PRKCE: variants seen among roughly 807,000 people sequenced by gnomAD.
PRKCE encodes protein kinase C epsilon.
In PRKCE, 16 loss-of-function variants were observed where a neutral mutation model predicts 85.4. That is an observed-to-expected ratio of 0.19 (90% CI 0.13 to 0.28). PRKCE has a LOEUF of 0.28. PRKCE is among the 10% of genes least tolerant of loss of function. The probability of loss-of-function intolerance (pLI) is 1.00; values close to 1 mark genes in which losing one functional copy is unlikely to be tolerated. For missense variants in PRKCE, 573 were observed against 975.2 expected (o/e 0.59, Z 5.49); for synonymous variants, 388 against 371.5 (o/e 1.04, Z -0.51).
chr2:46,007,366 C>T lies in PRKCE; in HGVS notation c.1064-96C>T, dbSNP rs998982650. 4 of 1,241,002 alleles carry T rather than the reference C, an allele frequency of 3.2e-6. No homozygotes were observed. The African/African-American group carries it at 6.0e-5, about 19-fold the overall frequency. The allele number at this position is 1,241,002 out of a possible 1,614,324, so 76.9% of individuals were successfully genotyped here. ...CTGTTGTGAAGAACCAGAAAGAGGA[C>T]TGAGAGCTTACAGGGGAAAGTCTGA... On this transcript the variant is annotated intron_variant, in intron 8 of 14. Coordinates refer to ENST00000306156, the MANE Select transcript of PRKCE (RefSeq NM_005400.3).
At chr2:45,698,174 T>C (rs1678312664) in intron 1 of PRKCE, among the ~76,000 whole-genome samples, 1 of 152,230 alleles carries the variant, frequency 6.6e-6, no homozygotes, top group African/African-American at 2.4e-5. Context: ...TGTGGGCAAG[T>C]TCTGGAAAAG....
At chr2:45,705,810 C>G (rs1027077703) in intron 1 of PRKCE, among the ~76,000 whole-genome samples, 2 of 152,316 alleles carry the variant, frequency 1.3e-5, no homozygotes, top group Middle Eastern at 3.4e-3. Flanking sequence ...TCAAATGCTG[C>G]TGACCTGATT....
chr2:45,710,356 C>T (rs1679520636), intron 1 of PRKCE, among the ~76,000 whole-genome samples: 1 of 152,182 alleles, frequency 6.6e-6, no homozygotes, highest in Non-Finnish European at 1.5e-5. Flanking sequence ...CATACCCTTG[C>T]CCACTGAGGT....
chr2:45,933,236 A>G (rs1699169477), intron 2 of PRKCE, among the ~76,000 whole-genome samples: 1 of 152,196 alleles, frequency 6.6e-6, no homozygotes, highest in African/African-American at 2.4e-5. Flanking sequence ...TCTGTTGAGT[A>G]TATGAATTGC....
At chr2:45,688,923 C>T (rs1029904130) in intron 1 of PRKCE, among the ~76,000 whole-genome samples, 1 of 152,220 alleles carries the variant, frequency 6.6e-6, no homozygotes, top group Admixed American at 6.5e-5. Flanking sequence ...GTTGGTTGCT[C>T]ATCCACAACA....
chr2:46,125,915 T>G (rs1210496539), intron 11 of PRKCE, among the ~76,000 whole-genome samples: 1 of 152,224 alleles, frequency 6.6e-6, no homozygotes, highest in East Asian at 1.9e-4. Flanking sequence ...GTGAAGTACC[T>G]GTTTAAAATG....
chr2:46,043,507 C>A (rs1002853769), intron 10 of PRKCE, among the ~76,000 whole-genome samples: 1 of 152,054 alleles, frequency 6.6e-6, no homozygotes, highest in Non-Finnish European at 1.5e-5. Flanking sequence ...TTATAGTATA[C>A]CCCTAGAGAT....
chr2:45,797,306 G>C (rs1687514845), intron 1 of PRKCE, among the ~76,000 whole-genome samples: 1 of 152,188 alleles, frequency 6.6e-6, no homozygotes, highest in Non-Finnish European at 1.5e-5. Context: ...GCAGGGTGAA[G>C]GGGAGGGAGG....
intron 8 of PRKCE, among the ~76,000 whole-genome samples, chr2:46,006,948 G>A (rs1450374622): frequency 6.6e-6 from 1 of 152,194 alleles, no homozygotes; most frequent in African/African-American, 2.4e-5. Flanking sequence ...CTGAGTAAAG[G>A]TTTTTAGAAG....
At chr2:46,151,477 G>T (rs11686993) in intron 13 of PRKCE, among the ~76,000 whole-genome samples, 15,742 of 152,276 alleles carry the variant, frequency 0.1, 1,065 homozygotes, top group Non-Finnish European at 0.15. Flanking sequence ...TTGCTCTTCT[G>T]GTGGGAAGAG....
chr2:45,829,661 G>T (rs1018855396), intron 1 of PRKCE, among the ~76,000 whole-genome samples: 1 of 152,174 alleles, frequency 6.6e-6, no homozygotes, highest in East Asian at 1.9e-4. Flanking sequence ...ACCCTAAAGG[G>T]CTCCAGGCTT....
chr2:45,884,999 A>AT (rs1265565855), intron 2 of PRKCE, among the ~76,000 whole-genome samples: 1 of 63,264 alleles, frequency 1.6e-5, no homozygotes, highest in Non-Finnish European at 3.2e-5. Flanking sequence ...ATATATATAT[A>AT]TATTTGTTGT....
intron 13 of PRKCE, among the ~76,000 whole-genome samples, 179 bp downstream of exon 13, chr2:46,151,408 A>G (rs1676618764): frequency 6.6e-6 from 1 of 152,018 alleles, no homozygotes; most frequent in Non-Finnish European, 1.5e-5. Context: ...GGCAGTTGCC[A>G]CTGGGAGTTC....
intron 2 of PRKCE, among the ~76,000 whole-genome samples, chr2:45,935,012 G>A (rs1699327408): frequency 6.6e-6 from 1 of 151,676 alleles, no homozygotes; most frequent in African/African-American, 2.4e-5. Context: ...AGTGAGCCAT[G>A]ATCATACTAC....
intron 2 of PRKCE, among the ~76,000 whole-genome samples, chr2:45,873,030 T>C (rs891651688): frequency 3.3e-5 from 5 of 152,120 alleles, no homozygotes; most frequent in African/African-American, 9.7e-5. Flanking sequence ...GGGATATACA[T>C]TGAGTCAGCT....
chr2:45,980,483 C>G, intron 5 of PRKCE, 102 bp downstream of exon 5: 2 of 1,074,052 alleles, frequency 1.9e-6, no homozygotes, highest in Non-Finnish European at 2.8e-6. Context: ...GCCTGAGACC[C>G]TGTCATTTCA....
At chr2:46,124,251 G>A (rs147746132) in intron 11 of PRKCE, among the ~76,000 whole-genome samples, 3,593 of 152,254 alleles carry the variant, frequency 0.024, 130 homozygotes, top group African/African-American at 0.081. Flanking sequence ...CTTGAACCCA[G>A]GAGGTGTAGG....
At chr2:45,755,230 A>G (rs1683906575) in intron 1 of PRKCE, among the ~76,000 whole-genome samples, 1 of 152,192 alleles carries the variant, frequency 6.6e-6, no homozygotes, top group Non-Finnish European at 1.5e-5. Context: ...GCTGGTGCGT[A>G]GTTCTTACTG....
At chr2:45,989,943 A>G (rs368043265) in intron 6 of PRKCE, among the ~76,000 whole-genome samples, 6 of 152,190 alleles carry the variant, frequency 3.9e-5, no homozygotes, top group Admixed American at 2.0e-4. Flanking sequence ...AAAATGTGCT[A>G]TGGGTCCTCT....
Sources: gnomAD v4.1 joint callset for allele counts (sites outside exome capture counted in the v4.1 genomes callset) on GRCh38, gnomAD v4.1.1 for gene constraint, MANE v1.5 for transcripts, NCBI Gene and HGNC (gene_info 2026-07-23, HGNC 2026-07-21) for gene names.